The following PIK3CB variants were observed in gnomAD, a reference collection of about 807,000 sequenced individuals.
PIK3CB encodes phosphatidylinositol 4,5-bisphosphate 3-kinase catalytic subunit beta isoform.
In PIK3CB, 39 loss-of-function variants were observed where a neutral mutation model predicts 136.8. That is an observed-to-expected ratio of 0.29 (90% CI 0.22 to 0.37). The LOEUF is 0.37. PIK3CB is among the 10% of genes least tolerant of loss of function. The pLI is 1.00. For missense variants in PIK3CB, 868 were observed against 1,275.4 expected (o/e 0.68, Z 4.87); for synonymous variants, 428 against 436.6 (o/e 0.98, Z 0.25).
intron 16 of PIK3CB, among the ~76,000 whole-genome samples, chr3:138,685,865 G>C (rs2043879971): frequency 6.6e-6 from 1 of 152,156 alleles, no homozygotes; most frequent in Non-Finnish European, 1.5e-5. Flanking sequence ...GGCTGGGTGT[G>C]ATGGCTCACG....
intron 19 of PIK3CB, among the ~76,000 whole-genome samples, chr3:138,675,063 A>G (rs1033379659): frequency 6.6e-6 from 1 of 152,214 alleles, no homozygotes; most frequent in Non-Finnish European, 1.5e-5. Context: ...ATCTCAAAAC[A>G]AAACAAAACA....
intron 8 of PIK3CB, among the ~76,000 whole-genome samples, chr3:138,719,351 T>C (rs1416146051): frequency 6.8e-6 from 1 of 147,624 alleles, no homozygotes; most frequent in Non-Finnish European, 1.5e-5. Context: ...GTTCAAGTGA[T>C]CCTCCCACTT....
chr3:138,713,472 C>A (rs2044546481), intron 9 of PIK3CB, among the ~76,000 whole-genome samples: 2 of 151,974 alleles, frequency 1.3e-5, no homozygotes, highest in Non-Finnish European at 2.9e-5. Flanking sequence ...GGGTTCAAGA[C>A]CAGCCTGGCC....
chr3:138,714,777 ATC>A (rs1246657171), intron 8 of PIK3CB, 58 bp from the exon 9 acceptor site: 12 of 1,409,036 alleles, frequency 8.5e-6, no homozygotes, highest in South Asian at 4.4e-5. Flanking sequence ...CACGAAAAAC[ATC>A]TCTTTTTGTT....
At chr3:138,663,781 G>T (rs989264626) in intron 21 of PIK3CB, 125 bp downstream of exon 21, 11 of 887,794 alleles carry the variant, frequency 1.2e-5, no homozygotes, top group Non-Finnish European at 1.9e-5. Flanking sequence ...GTGAGAAATT[G>T]AAGTAAAGAC....
intron 1 of PIK3CB, among the ~76,000 whole-genome samples, chr3:138,831,848 C>T (rs536636217): frequency 6.6e-5 from 10 of 152,030 alleles, no homozygotes; most frequent in African/African-American, 2.2e-4. Context: ...TCGCTTGAAC[C>T]CGGGAGGTCA....
At chr3:138,834,456 G>A (rs1442675985) in intron 1 of PIK3CB, among the ~76,000 whole-genome samples, 1 of 152,110 alleles carries the variant, frequency 6.6e-6, no homozygotes, top group Non-Finnish European at 1.5e-5. Flanking sequence ...GGGGCCGGGG[G>A]GCGCCACTCA....
intron 8 of PIK3CB, among the ~76,000 whole-genome samples, chr3:138,727,291 A>G (rs2044859956): frequency 6.6e-6 from 1 of 152,248 alleles, no homozygotes; most frequent in Non-Finnish European, 1.5e-5. Context: ...ATTAGGTTAT[A>G]CTATATGATA....
intron 4 of PIK3CB, among the ~76,000 whole-genome samples, chr3:138,751,713 TA>T (rs2045475263): frequency 6.6e-6 from 1 of 152,092 alleles, no homozygotes; most frequent in South Asian, 2.1e-4. Context: ...CTCACACCTG[TA>T]ATCCCAGCAC....
intron 1 of PIK3CB, among the ~76,000 whole-genome samples, chr3:138,813,120 G>C (rs1016002743): frequency 1.2e-4 from 18 of 151,574 alleles, no homozygotes; most frequent in Non-Finnish European, 2.2e-4. Context: ...CTCAAAATAA[G>C]AAAAAAAAAT....
intron 1 of PIK3CB, among the ~76,000 whole-genome samples, chr3:138,816,405 C>A (rs1933331259): frequency 6.6e-6 from 1 of 151,814 alleles, no homozygotes; most frequent in African/African-American, 2.4e-5. Context: ...ACCAGCCTGG[C>A]CAACATGGTG....
At chr3:138,767,510 T>C (rs2045748009) in intron 2 of PIK3CB, among the ~76,000 whole-genome samples, 1 of 152,216 alleles carries the variant, frequency 6.6e-6, no homozygotes, top group Non-Finnish European at 1.5e-5. Flanking sequence ...AGTGGCGCCT[T>C]TGCCTTAGTT....
intron 19 of PIK3CB, among the ~76,000 whole-genome samples, chr3:138,680,136 G>A (rs951832604): frequency 7.2e-5 from 11 of 151,946 alleles, no homozygotes; most frequent in African/African-American, 9.7e-5. Flanking sequence ...AAGGCAGGCA[G>A]ATCACAAGGT....
chr3:138,676,750 G>T (rs570393443), intron 19 of PIK3CB, among the ~76,000 whole-genome samples: 1 of 152,204 alleles, frequency 6.6e-6, no homozygotes, highest in Admixed American at 6.5e-5. Flanking sequence ...AGTGACAAAG[G>T]CCCCATATTG....
chr3:138,768,950 G>A (rs1404083342), intron 2 of PIK3CB, among the ~76,000 whole-genome samples: 1 of 152,186 alleles, frequency 6.6e-6, no homozygotes, highest in Non-Finnish European at 1.5e-5. Flanking sequence ...GGGATGCCTG[G>A]TTGGGCAGTT....
At chr3:138,681,843 T>C (rs942653304) in intron 19 of PIK3CB, 124 bp downstream of exon 19, 1 of 599,356 alleles carries the variant, frequency 1.7e-6, no homozygotes, top group Non-Finnish European at 2.9e-6. Context: ...TAAAGTGCTA[T>C]ATAAATATTA....
At chr3:138,681,747 C>T (rs1442454167) in intron 19 of PIK3CB, among the ~76,000 whole-genome samples, 2 of 152,158 alleles carry the variant, frequency 1.3e-5, no homozygotes, top group Admixed American at 6.5e-5. Context: ...AAGTTCAAAC[C>T]TATTCCTTCT....
intron 21 of PIK3CB, among the ~76,000 whole-genome samples, chr3:138,661,791 G>A (rs2043300177): frequency 6.6e-6 from 1 of 152,194 alleles, no homozygotes; most frequent in African/African-American, 2.4e-5. Flanking sequence ...TTCACACAGT[G>A]ACCCAGAGAG....
intron 19 of PIK3CB, among the ~76,000 whole-genome samples, chr3:138,673,238 G>A (rs970795003): frequency 3.9e-5 from 6 of 152,066 alleles, no homozygotes; most frequent in African/African-American, 1.4e-4. Flanking sequence ...ATGAGAGTGG[G>A]AGAACTGCAA....
Sources: gnomAD v4.1 joint callset for allele counts (sites outside exome capture counted in the v4.1 genomes callset) on GRCh38, gnomAD v4.1.1 for gene constraint, MANE v1.5 for transcripts, NCBI Gene and HGNC (gene_info 2026-07-23, HGNC 2026-07-21) for gene names.